The following RPH3A variants were observed in gnomAD, a reference collection of about 807,000 sequenced individuals.
The protein encoded by RPH3A is rabphilin-3A.
RPH3A carries 48 observed loss-of-function variants against 102.2 expected under a neutral mutation model. The observed-to-expected ratio is 0.47, with a 90% CI of 0.37 to 0.60. The LOEUF is 0.60. Among genes scored for constraint, RPH3A ranks in the 20% least tolerant of loss-of-function variants. RPH3A has a pLI of 0.00. For synonymous variants in RPH3A, 310 were observed against 324.3 expected (o/e 0.96, Z 0.47); for missense variants, 781 against 910.1 (o/e 0.86, Z 1.83).
At chr12:112,865,572 C>G in intron 6 of RPH3A, 29 bp downstream of exon 6, 1 of 1,607,736 alleles carries the variant, frequency 6.2e-7, no homozygotes, top group Non-Finnish European at 8.5e-7. Context: ...CCCTTCTTCC[C>G]TGTGCAGCAC....
At chr12:112,725,804 TG>T (rs1322589997) in intron 1 of RPH3A, among the ~76,000 whole-genome samples, 12 of 150,476 alleles carry the variant, frequency 8.0e-5, no homozygotes, top group Non-Finnish European at 1.3e-4. Context: ...TTGTTGTTGT[TG>T]TTGTTTTTGA....
At chr12:112,839,834 A>C (rs533900884) in intron 4 of RPH3A, among the ~76,000 whole-genome samples, 1 of 152,272 alleles carries the variant, frequency 6.6e-6, no homozygotes, top group Non-Finnish European at 1.5e-5. Flanking sequence ...CTGAAAATAC[A>C]AAACACTATC....
At chr12:112,683,430 G>A (rs1281315779) in intron 1 of RPH3A, among the ~76,000 whole-genome samples, 1 of 152,188 alleles carries the variant, frequency 6.6e-6, no homozygotes, top group Non-Finnish European at 1.5e-5. Context: ...TAGGAAAGAA[G>A]TTGATATTGC....
At chr12:112,610,048 C>T (rs1467920973) in intron 1 of RPH3A, among the ~76,000 whole-genome samples, 1 of 152,220 alleles carries the variant, frequency 6.6e-6, no homozygotes, top group Non-Finnish European at 1.5e-5. Context: ...GCTCTCCCAT[C>T]TCATCTTTTC....
chr12:112,583,520 T>C (rs1275087128), intron 1 of RPH3A, among the ~76,000 whole-genome samples: 1 of 152,138 alleles, frequency 6.6e-6, no homozygotes, highest in Non-Finnish European at 1.5e-5. Context: ...AGGAGATTGA[T>C]AAAGGGATGG....
intron 16 of RPH3A, among the ~76,000 whole-genome samples, chr12:112,883,716 A>T (rs963608187): frequency 4.6e-5 from 7 of 152,300 alleles, no homozygotes; most frequent in Admixed American, 2.0e-4. Flanking sequence ...GCTTATAAAA[A>T]TGTTTATTAC....
At chr12:112,629,465 A>ATTTTTTTTT (rs11294395) in intron 1 of RPH3A, among the ~76,000 whole-genome samples, 1 of 84,034 alleles carries the variant, frequency 1.2e-5, no homozygotes, top group African/African-American at 5.5e-5. Context: ...TGCACTTTGC[A>ATTTTTTTTT]TTTTTTTTTT....
rs747823217 is a variant in RPH3A, at chr12:112,881,796, G to A, written c.1276G>A (p.Gly426Ser). The A allele has an allele frequency of 1.2e-5, 19 of 1,612,328 alleles. No individual in the cohort carries two copies. Among genetic ancestry groups the A allele is most frequent in the Non-Finnish European group, 1.4e-5 (17 of 1,179,064 alleles). ...GGGCCTGAAGCCCATGGATTCAAAC[G>A]GCTTGGCTGATCCCTACGTTAAGCT... ...AKGLKPMDSN[G>S]LADPYVKLHL... The change falls in exon 15 of 22, where the codon GGC (glycine) becomes AGC (serine). Residue 426 changes from glycine (G) to serine (S), a missense_variant. Physicochemically the swap from Gly to Ser is moderately conservative, Grantham distance 56. This residue lies in a region of RPH3A where 730 missense variants were observed against 810.0 expected (regional missense o/e 0.90). Coordinates refer to ENST00000389385, the MANE Select transcript of RPH3A (RefSeq NM_001143854.2).
chr12:112,739,382 G>A (rs2040692260), intron 1 of RPH3A, among the ~76,000 whole-genome samples: 1 of 152,172 alleles, frequency 6.6e-6, no homozygotes, highest in Admixed American at 6.5e-5. Flanking sequence ...GGCTTAGGGA[G>A]GTGAAGTCAT....
intron 1 of RPH3A, among the ~76,000 whole-genome samples, chr12:112,594,426 G>A (rs2039501071): frequency 6.6e-6 from 1 of 152,004 alleles, no homozygotes; most frequent in African/African-American, 2.4e-5. Context: ...TGTTTATGCA[G>A]TCATCTTTCT....
rs146846237 is a variant in RPH3A, at chr12:112,677,781, C to T, written c.-140+102462C>T. The stretch of plus-strand genomic sequence containing the variant: ...TGGCACACGGCAAAGCAGCTAGCCT[C>T]GGCAGCCATTATCCTTGTGATTAAT... On this transcript the variant is annotated intron_variant, in intron 1 of 21. Transcript: ENST00000543106. Among the ~76,000 whole-genome samples, 273 of 152,184 alleles carry T rather than the reference C, an allele frequency of 1.8e-3. 4 individuals carry two copies. In the East Asian group the frequency reaches 0.035, roughly 19 times the overall value.
At chr12:112,881,005 G>A (rs562195458) in intron 14 of RPH3A, among the ~76,000 whole-genome samples, 1 of 152,218 alleles carries the variant, frequency 6.6e-6, no homozygotes, top group African/African-American at 2.4e-5. Flanking sequence ...TCTCAGGGGT[G>A]GCAGAGGTGG....
chr12:112,618,651 G>A (rs1161569678), intron 1 of RPH3A, among the ~76,000 whole-genome samples: 1 of 151,988 alleles, frequency 6.6e-6, no homozygotes, highest in African/African-American at 2.4e-5. Context: ...ACCAAAGTAG[G>A]ATCATACTAC....
chr12:112,587,259 GAA>G (rs1351398749), intron 1 of RPH3A, among the ~76,000 whole-genome samples: 7 of 152,226 alleles, frequency 4.6e-5, no homozygotes, highest in African/African-American at 1.7e-4. Flanking sequence ...AATATTTAGA[GAA>G]AGAGGTAATA....
chr12:112,687,794 G>T (rs2136020205), intron 1 of RPH3A, among the ~76,000 whole-genome samples: 1 of 152,214 alleles, frequency 6.6e-6, no homozygotes. Context: ...TTCATCCATT[G>T]GTATATGGGC....
chr12:112,719,860 A>G (rs973075823), intron 1 of RPH3A, among the ~76,000 whole-genome samples: 1 of 152,184 alleles, frequency 6.6e-6, no homozygotes, highest in Non-Finnish European at 1.5e-5. Context: ...AACTTTGTAT[A>G]TGCTGCATCT....
chr12:112,875,830 T>A lies in RPH3A; in HGVS notation c.946+89T>A, dbSNP rs1216324735. 2.5e-6 allele frequency: 3 copies of A among 1,179,954 alleles called. No individual in the cohort carries two copies. The Admixed American group carries it at 5.5e-5, about 22-fold the overall frequency. 73.1% of individuals were successfully genotyped at this position (1,179,954 alleles called of 1,614,324 possible). A position where few individuals can be genotyped will look rare whatever the true frequency, so the allele number is the denominator to read the frequency against. On this transcript the variant is annotated intron_variant, in intron 12 of 21. Coordinates refer to ENST00000389385, the MANE Select transcript of RPH3A (RefSeq NM_001143854.2). ...GAGCAGGCAGCTGCCAGAACGTGAC[T>A]CAGCCTGCACCCTGAGACCTGTCTG...
chr12:112,665,150 C>T (rs899585393), intron 1 of RPH3A, among the ~76,000 whole-genome samples: 1 of 152,058 alleles, frequency 6.6e-6, no homozygotes, highest in Admixed American at 6.6e-5. Context: ...ATCCCTGTAC[C>T]GAGGATCACC....
At chr12:112,884,169 T>C (rs1161017331) in intron 16 of RPH3A, among the ~76,000 whole-genome samples, 2 of 152,186 alleles carry the variant, frequency 1.3e-5, no homozygotes, top group Non-Finnish European at 2.9e-5. Context: ...TCCTTAAATA[T>C]TACAAATGAA....
Sources: gnomAD v4.1 joint callset for allele counts (sites outside exome capture counted in the v4.1 genomes callset) on GRCh38, gnomAD v4.1.1 for gene constraint, gnomAD v4.1.1 regional missense constraint, MANE v1.5 for transcripts, NCBI Gene and HGNC (gene_info 2026-07-23, HGNC 2026-07-21) for gene names.